Variants in NEGR1 observed in about 807,000 individuals in gnomAD.
NEGR1 encodes neuronal growth regulator 1.
In NEGR1, 10 loss-of-function variants were observed where a neutral mutation model predicts 40.9. The observed-to-expected ratio is 0.24, with a 90% CI of 0.15 to 0.42. The LOEUF (loss-of-function observed/expected upper bound fraction) is 0.42, where lower values mean the gene tolerates loss of function less well. NEGR1 is among the 10% of genes least tolerant of loss of function. The probability of loss-of-function intolerance (pLI) is 1.00; values close to 1 mark genes in which losing one functional copy is unlikely to be tolerated. For synonymous variants in NEGR1, 185 were observed against 166.8 expected, an observed-to-expected ratio of 1.11 and a Z score of -0.84; for missense variants, 352 against 438.9, an observed-to-expected ratio of 0.80 and a Z score of 1.77.
intron 4 of NEGR1, among the ~76,000 whole-genome samples, chr1:71,628,323 A>T (rs938979434): frequency 6.6e-6 from 1 of 152,026 alleles, no homozygotes; most frequent in Non-Finnish European, 1.5e-5. Context: ...GTGATAATTT[A>T]AAAATGTTTA....
intron 1 of NEGR1, among the ~76,000 whole-genome samples, chr1:72,136,365 A>G (rs1293540958): frequency 3.3e-5 from 5 of 152,082 alleles, no homozygotes; most frequent in East Asian, 1.9e-4. Flanking sequence ...AAAAGGATCA[A>G]TGTCTTGAAG....
intron 2 of NEGR1, chr1:71,798,373 A>G (rs906051276): frequency 2.6e-5 from 4 of 152,214 alleles, no homozygotes; most frequent in African/African-American, 9.6e-5. Flanking sequence ...AAATGACTAA[A>G]GAGTAAGCAA....
At chr1:72,251,497 T>C (rs960686615) in intron 1 of NEGR1, among the ~76,000 whole-genome samples, 1 of 152,174 alleles carries the variant, frequency 6.6e-6, no homozygotes. Context: ...CTCCTGGAGA[T>C]AGCAAAATCT....
intron 6 of NEGR1, among the ~76,000 whole-genome samples, chr1:71,463,053 G>T (rs1453246772): frequency 6.6e-6 from 1 of 152,094 alleles, no homozygotes; most frequent in Non-Finnish European, 1.5e-5. Flanking sequence ...TAGGTACATG[G>T]CACTCCTCTA....
chr1:72,049,385 C>G (rs1006256289), intron 1 of NEGR1, among the ~76,000 whole-genome samples: 2 of 151,264 alleles, frequency 1.3e-5, no homozygotes, highest in African/African-American at 4.9e-5. Context: ...AAATGAAGCA[C>G]CTTAGAAAGA....
chr1:71,634,042 A>C (rs1418658666), intron 4 of NEGR1, among the ~76,000 whole-genome samples: 1 of 151,940 alleles, frequency 6.6e-6, no homozygotes, highest in Non-Finnish European at 1.5e-5. Context: ...TGTTTTTTGG[A>C]CTTGGAGTTA....
intron 2 of NEGR1, among the ~76,000 whole-genome samples, chr1:71,921,703 AATATAT>A (rs61614174): frequency 0.083 from 11,139 of 133,976 alleles, 653 homozygotes; most frequent in African/African-American, 0.17. Context: ...ACAGTACAAG[AATATAT>A]ATATATATAT....
chr1:72,067,835 A>G (rs898461086), intron 1 of NEGR1, among the ~76,000 whole-genome samples: 18 of 152,170 alleles, frequency 1.2e-4, no homozygotes, highest in African/African-American at 4.1e-4. Flanking sequence ...AACCATGTAT[A>G]CTTCCTATCA....
intron 4 of NEGR1, among the ~76,000 whole-genome samples, chr1:71,645,913 T>C (rs182887906): frequency 2.0e-5 from 3 of 151,936 alleles, no homozygotes; most frequent in South Asian, 2.1e-4. Flanking sequence ...TAATGGACTC[T>C]AGACAGGTAT....
intron 6 of NEGR1, among the ~76,000 whole-genome samples, chr1:71,525,722 T>C (rs1439691385): frequency 6.6e-6 from 1 of 151,700 alleles, no homozygotes; most frequent in African/African-American, 2.4e-5. Context: ...AATTGTGATG[T>C]CACTCTATAA....
chr1:71,758,584 C>T (rs1342014649), intron 3 of NEGR1, among the ~76,000 whole-genome samples: 2 of 151,708 alleles, frequency 1.3e-5, no homozygotes, highest in African/African-American at 2.4e-5. Flanking sequence ...TCAAGTTAAC[C>T]AAGAAAAACA....
intron 1 of NEGR1, among the ~76,000 whole-genome samples, chr1:72,042,039 A>G (rs1461648764): frequency 6.7e-6 from 1 of 149,102 alleles, no homozygotes; most frequent in African/African-American, 2.4e-5. Context: ...ATATATATAT[A>G]TATCTATTTG....
intron 1 of NEGR1, among the ~76,000 whole-genome samples, chr1:72,167,428 T>C (rs1444287743): frequency 6.6e-6 from 1 of 152,074 alleles, no homozygotes; most frequent in Non-Finnish European, 1.5e-5. Flanking sequence ...CACAATATTA[T>C]CATATTTTCT....
At chr1:71,649,150 T>C (rs1286512716) in intron 4 of NEGR1, among the ~76,000 whole-genome samples, 1 of 151,600 alleles carries the variant, frequency 6.6e-6, no homozygotes, top group Non-Finnish European at 1.5e-5. Context: ...CAATAAGATG[T>C]TATTATTTTA....
At chr1:71,769,865 A>G (rs992680985) in intron 3 of NEGR1, among the ~76,000 whole-genome samples, 5 of 152,214 alleles carry the variant, frequency 3.3e-5, no homozygotes, top group South Asian at 4.1e-4. Context: ...ACTCTGTCCA[A>G]TGTTGCATAC....
chr1:71,774,594 C>T (rs954832928), intron 3 of NEGR1, among the ~76,000 whole-genome samples: 1 of 152,024 alleles, frequency 6.6e-6, no homozygotes, highest in African/African-American at 2.4e-5. Flanking sequence ...ATACATGTTT[C>T]AATTGTGCTT....
intron 1 of NEGR1, among the ~76,000 whole-genome samples, chr1:72,124,028 T>A (rs1649910264): frequency 6.6e-6 from 1 of 152,018 alleles, no homozygotes. Flanking sequence ...ATTTATATAG[T>A]TTGTATAATC....
At chr1:71,819,085 G>A (rs1469764239) in intron 2 of NEGR1, among the ~76,000 whole-genome samples, 1 of 151,888 alleles carries the variant, frequency 6.6e-6, no homozygotes, top group Admixed American at 6.6e-5. Context: ...AGAAAGCTGA[G>A]GCACAATTCT....
At chr1:72,156,125 A>G (rs750597325) in intron 1 of NEGR1, among the ~76,000 whole-genome samples, 5 of 152,172 alleles carry the variant, frequency 3.3e-5, no homozygotes, top group Non-Finnish European at 7.4e-5. Context: ...GTACTATATT[A>G]TATGTGTATG....
Sources: gnomAD v4.1 joint callset for allele counts (sites outside exome capture counted in the v4.1 genomes callset) on GRCh38, gnomAD v4.1.1 for gene constraint, MANE v1.5 for transcripts, NCBI Gene and HGNC (gene_info 2026-07-23, HGNC 2026-07-21) for gene names.